Variants in SVIL observed in about 807,000 individuals in gnomAD.
The protein encoded by SVIL is supervillin, also known as archvillin.
In SVIL, 101 loss-of-function variants were observed where a neutral mutation model predicts 240.4. That is an observed-to-expected ratio of 0.42 (90% CI 0.36 to 0.50). SVIL has a LOEUF of 0.50. Ranked by LOEUF, SVIL falls within the 20% of genes least tolerant of loss-of-function variation. The pLI, the probability that SVIL is intolerant of heterozygous loss-of-function variation, is 0.01. For missense variants in SVIL, 2,512 were observed against 2,818.7 expected (o/e 0.89, Z 2.46); for synonymous variants, 999 against 1,100.0 (o/e 0.91, Z 1.82).
In SVIL at chr10:29,512,881, G is replaced by A. The variant is rs755905797; in HGVS notation, c.3390-20C>T. 5.6e-6 allele frequency: 9 copies of A among 1,606,702 alleles called. No individual in the cohort carries two copies. Among genetic ancestry groups the A allele is most frequent in the South Asian group, 1.1e-5 (1 of 90,602 alleles). On this transcript the variant is annotated intron_variant, in intron 16 of 37. Coordinates refer to ENST00000355867, the MANE Select transcript of SVIL (RefSeq NM_021738.3). ...GCCAATCTAGGAGGAAAACATGCCC[G>A]CCACAAAGAGTTCAGCACCAAACTC...
rs1201368451 is a variant in SVIL, at chr10:29,532,750, T to A, written c.1617A>T (p.Lys539Asn). ...GAGAGCGGGTACGGACCTTGCGCTT[T>A]TTCGAGGCTTCCCTGTTGTGACCAG... ...KPTGHNREAS[K>N]KRKVRTRSLS... The change falls in exon 8 of 38, where the codon AAA becomes AAT. Residue 539 changes from lysine (K) to asparagine (N), a missense_variant. Physicochemically the swap from Lys to Asn is moderately conservative, Grantham distance 94. Around this residue, in one of 3 missense-constraint regions of SVIL, gnomAD observed 1,443 missense variants for 1,486.6 expected, o/e 0.97. Coordinates refer to ENST00000355867, the MANE Select transcript of SVIL (RefSeq NM_021738.3). The A allele has an allele frequency of 6.2e-7, 1 of 1,614,028 alleles. No homozygotes were observed. The highest frequency in any genetic ancestry group is 8.5e-7 in the Non-Finnish European group (1 of 1,180,026).
At chr10:29,655,520 A>C (rs1958972425) in intron 3 of SVIL, among the ~76,000 whole-genome samples, 1 of 152,094 alleles carries the variant, frequency 6.6e-6, no homozygotes, top group Non-Finnish European at 1.5e-5. Context: ...GATGGTGCCC[A>C]CCCACAGCAA....
Position 29,568,600 on chromosome 10 carries a change from G to A in SVIL, c.-143+655C>T, listed in dbSNP as rs144316131. Among the ~76,000 whole-genome samples the A allele has an allele frequency of 9.2e-5, 14 of 152,310 alleles. No individual in the cohort carries two copies. In the East Asian group the frequency reaches 2.1e-3, roughly 23 times the overall value. On this transcript the variant is annotated intron_variant, in intron 2 of 37. Coordinates refer to ENST00000355867, the MANE Select transcript of SVIL (RefSeq NM_021738.3). ...AAAGCACCTGAGATACAGCTACTGT[G>A]TATGGCACAGGCATTCATTTCCACT...
In SVIL at chr10:29,458,605, G is replaced by A. The variant is rs1234245070; in HGVS notation, c.6403-16C>T. ...CTTCCGTGTCCTAGAGAAGAGGAGG[G>A]GGCAGAGAGGAGAGCTCGTGTCCTA... is the stretch of plus-strand genomic sequence containing the variant. On this transcript the variant is annotated splice_polypyrimidine_tract_variant and intron_variant, in intron 36 of 37. Transcript: ENST00000355867. The A allele has an allele frequency of 1.2e-6, 2 of 1,610,116 alleles. No homozygotes were observed. The highest frequency in any genetic ancestry group is 1.7e-6 in the Non-Finnish European group (2 of 1,178,696).
At chr10:29,533,903 A>G (rs1307019511) in intron 7 of SVIL, among the ~76,000 whole-genome samples, 1 of 152,182 alleles carries the variant, frequency 6.6e-6, no homozygotes, top group East Asian at 1.9e-4. Flanking sequence ...TATTGACCAA[A>G]CGCTGTAATT....
chr10:29,686,303 G>T (rs1485430094), intron 2 of SVIL, among the ~76,000 whole-genome samples: 1 of 152,170 alleles, frequency 6.6e-6, no homozygotes, highest in Non-Finnish European at 1.5e-5. Flanking sequence ...CAGGAACATG[G>T]TCTAAGGAAA....
At position 29,559,032 on chromosome 10, in the gene SVIL, GT is replaced by G. The variant is rs1223366559; in HGVS notation, c.-50-3925del. 2.7e-5 allele frequency among the ~76,000 whole-genome samples: 4 copies of G among 150,200 alleles called. No individual in the cohort carries two copies. The East Asian group carries it at 7.8e-4, about 29-fold the overall frequency. On this transcript the variant is annotated intron_variant, in intron 3 of 37. Coordinates refer to ENST00000355867, the MANE Select transcript of SVIL (RefSeq NM_021738.3). ...TTATATTATTAATCATATAAAACAT[GT>G]TTTTGTACTATTAATAGCATAAAGC...
Position 29,704,260 on chromosome 10 carries a change from C to T in SVIL, c.-399-17609G>A, listed in dbSNP as rs181263065. On this transcript the variant is annotated intron_variant, in intron 1 of 35. Transcript: ENST00000375400. Reference sequence around the variant, plus strand: ...TAAGTTTTCCAAGTTGTAGAGCTCACGCCACTCCCTAAACTTGCAGTGTCG... The same window carrying T: ...TAAGTTTTCCAAGTTGTAGAGCTCATGCCACTCCCTAAACTTGCAGTGTCG... Among the ~76,000 whole-genome samples, 287 of 152,272 alleles carry T rather than the reference C, an allele frequency of 1.9e-3. 1 individual carries two copies. The highest frequency in any genetic ancestry group is 5.9e-3 in the African/African-American group (245 of 41,550).
intron 1 of SVIL, among the ~76,000 whole-genome samples, chr10:29,687,147 AT>A (rs1961127839): frequency 6.6e-6 from 1 of 152,172 alleles, no homozygotes; most frequent in South Asian, 2.1e-4. Flanking sequence ...GGACATGCCA[AT>A]TGTAATTTTA....
chr10:29,490,754 T>C, intron 22 of SVIL, 93 bp downstream of exon 22: 1 of 1,494,710 alleles, frequency 6.7e-7, no homozygotes, highest in South Asian at 1.2e-5. Context: ...GCACCATTAT[T>C]GGCCTTCACA....
At chr10:29,655,431 A>G (rs1189881717) in intron 3 of SVIL, among the ~76,000 whole-genome samples, 2 of 152,182 alleles carry the variant, frequency 1.3e-5, no homozygotes, top group South Asian at 2.1e-4. Flanking sequence ...GGAAGAGGAA[A>G]CAGAGCCAGA....
intron 1 of SVIL, among the ~76,000 whole-genome samples, chr10:29,605,356 A>G (rs1956980871): frequency 6.6e-6 from 1 of 152,204 alleles, no homozygotes; most frequent in Non-Finnish European, 1.5e-5. Context: ...CATTCCCATC[A>G]GCCACGGTTC....
intron 2 of SVIL, among the ~76,000 whole-genome samples, chr10:29,680,464 T>C (rs1454981984): frequency 6.6e-6 from 1 of 152,206 alleles, no homozygotes; most frequent in Non-Finnish European, 1.5e-5. Context: ...TGCTACAGCA[T>C]GGCGCATGGG....
At chr10:29,500,353 G>A (rs1244089966) in intron 17 of SVIL, among the ~76,000 whole-genome samples, 2 of 152,158 alleles carry the variant, frequency 1.3e-5, no homozygotes, top group Non-Finnish European at 2.9e-5. Flanking sequence ...GGGAGCGGGG[G>A]AGAAGCACAG....
intron 6 of SVIL, among the ~76,000 whole-genome samples, chr10:29,539,127 T>C (rs1350694102): frequency 6.6e-6 from 1 of 152,054 alleles, no homozygotes; most frequent in Non-Finnish European, 1.5e-5. Context: ...ATTGCACCAC[T>C]GCACTCCAGC....
chr10:29,582,558 G>T (rs1398624974), intron 1 of SVIL, among the ~76,000 whole-genome samples: 1 of 152,032 alleles, frequency 6.6e-6, no homozygotes, highest in Non-Finnish European at 1.5e-5. Context: ...GCAACATAGT[G>T]AGACCCCCAT....
intron 1 of SVIL, among the ~76,000 whole-genome samples, chr10:29,714,504 T>G (rs1005307481): frequency 1.3e-5 from 2 of 152,192 alleles, no homozygotes; most frequent in African/African-American, 4.8e-5. Context: ...TTTTTAGGAT[T>G]CTAGACTATA....
rs575723260 is a variant in SVIL at position 29,495,205 on chromosome 10, C to T, written c.3665-24G>A. On this transcript the variant is annotated intron_variant, in intron 18 of 37. Coordinates refer to ENST00000355867, the MANE Select transcript of SVIL (RefSeq NM_021738.3). ...ACCTGTGGAACACACAGACGAGCTA[C>T]TGAGCATCTCAGGGTCACTTCTGGA... is the stretch of plus-strand genomic sequence containing the variant. The T allele has an allele frequency of 1.4e-5, 19 of 1,333,304 alleles. No individual in the cohort carries two copies. The Admixed American group carries it at 2.3e-4, about 16-fold the overall frequency. The allele number at this position is 1,333,304 out of a possible 1,614,324, so 82.6% of individuals were successfully genotyped here.
chr10:29,663,676 T>C (rs1226290798), intron 2 of SVIL, among the ~76,000 whole-genome samples: 1 of 152,200 alleles, frequency 6.6e-6, no homozygotes, highest in African/African-American at 2.4e-5. Context: ...CTATATTCCA[T>C]ATGGACTTTT....
Sources: allele counts gnomAD v4.1 joint callset (sites outside exome capture counted in the v4.1 genomes callset), GRCh38; gene constraint gnomAD v4.1.1; regional missense constraint gnomAD v4.1.1; transcripts MANE v1.5; gene names NCBI Gene and HGNC (gene_info 2026-07-23, HGNC 2026-07-21).